The following JPH1 variants were observed in gnomAD, a reference collection of about 807,000 sequenced individuals.
The protein encoded by JPH1 is junctophilin 1.
Under a neutral mutation model 53.6 loss-of-function variants are expected in JPH1, and 12 were observed. The ratio of observed to expected loss-of-function variants is 0.22; its 90% CI spans 0.14 to 0.36. JPH1 has a LOEUF of 0.36. JPH1 is among the 10% of genes least tolerant of loss of function. JPH1 has a pLI of 1.00. For missense variants in JPH1, 808 were observed against 905.5 expected (o/e 0.89, Z 1.38); for synonymous variants, 375 against 363.8 (o/e 1.03, Z -0.35).
intron 2 of JPH1, among the ~76,000 whole-genome samples, chr8:74,285,897 T>A (rs552146606): frequency 6.6e-6 from 1 of 152,362 alleles, no homozygotes; most frequent in South Asian, 2.1e-4. Flanking sequence ...CTTCACTGCC[T>A]TCAGGGAAAG....
chr8:74,238,888 C>T (rs1805616521), intron 4 of JPH1, among the ~76,000 whole-genome samples: 1 of 152,156 alleles, frequency 6.6e-6, no homozygotes, highest in Non-Finnish European at 1.5e-5. Flanking sequence ...AACTTCCTGG[C>T]CTTAAGCGAT....
intron 3 of JPH1, among the ~76,000 whole-genome samples, chr8:74,248,843 GA>G (rs1269676839): frequency 2.6e-5 from 4 of 152,222 alleles, no homozygotes; most frequent in Non-Finnish European, 5.9e-5. Flanking sequence ...AAGTTGATGA[GA>G]TGCAGCGGTT....
intron 2 of JPH1, among the ~76,000 whole-genome samples, chr8:74,299,210 T>C (rs908194897): frequency 1.4e-4 from 21 of 152,214 alleles, no homozygotes; most frequent in African/African-American, 4.8e-4. Context: ...AGAGCAACTC[T>C]TCCTGGCACC....
chr8:74,311,880 A>G (rs1379479770), intron 2 of JPH1, among the ~76,000 whole-genome samples: 2 of 151,962 alleles, frequency 1.3e-5, no homozygotes, highest in South Asian at 2.1e-4. Context: ...ATAGTATTCC[A>G]TGGTGTATAT....
intron 2 of JPH1, among the ~76,000 whole-genome samples, chr8:74,308,963 T>A (rs1240006223): frequency 1.3e-5 from 2 of 152,250 alleles, no homozygotes; most frequent in African/African-American, 4.8e-5. Context: ...AATGGTTTTT[T>A]AAAATCCTAC....
Position 74,270,695 on chromosome 8 carries a change from C to T in JPH1, c.1140-11192G>A, listed in dbSNP as rs558446046. Among the ~76,000 whole-genome samples the T allele has an allele frequency of 4.2e-4, 64 of 152,274 alleles. 2 individuals carry two copies. Among genetic ancestry groups the T allele is most frequent in the Non-Finnish European group, 8.7e-4 (59 of 68,016 alleles). ...ATTCAAGCCAACTAAGTACAAGAAT[C>T]ATGTTAAACCTTGGCTCAAATAACA... On this transcript the variant is annotated intron_variant, in intron 2 of 5. Coordinates refer to ENST00000342232, the MANE Select transcript of JPH1 (RefSeq NM_020647.4).
At chr8:74,290,517 G>C (rs1320024902) in intron 2 of JPH1, among the ~76,000 whole-genome samples, 1 of 152,190 alleles carries the variant, frequency 6.6e-6, no homozygotes, top group African/African-American at 2.4e-5. Context: ...CATGCTCACC[G>C]ATAGGAAGAA....
chr8:74,303,858 C>T (rs556498258), intron 2 of JPH1, among the ~76,000 whole-genome samples: 1 of 152,320 alleles, frequency 6.6e-6, no homozygotes, highest in South Asian at 2.1e-4. Flanking sequence ...TTCTGCCTAA[C>T]ACCTATCAAT....
At chr8:74,307,057 GT>G (rs1310529547) in intron 2 of JPH1, among the ~76,000 whole-genome samples, 2 of 152,198 alleles carry the variant, frequency 1.3e-5, no homozygotes, top group Non-Finnish European at 2.9e-5. Flanking sequence ...GAAATGGGCT[GT>G]TTTGATACAT....
chr8:74,241,757 G>C (rs776418246), intron 4 of JPH1, among the ~76,000 whole-genome samples: 50 of 152,090 alleles, frequency 3.3e-4, no homozygotes, highest in Non-Finnish European at 6.0e-4. Flanking sequence ...CAATTTGATG[G>C]GGACGCTTTA....
At chr8:74,306,771 A>C (rs1457373897) in intron 2 of JPH1, among the ~76,000 whole-genome samples, 3 of 151,874 alleles carry the variant, frequency 2.0e-5, no homozygotes, top group Non-Finnish European at 4.4e-5. Context: ...TAATTTTTGT[A>C]ATTTTAGTAG....
chr8:74,250,810 GCAGACT>G (rs1252493643), intron 3 of JPH1, among the ~76,000 whole-genome samples: 2 of 152,232 alleles, frequency 1.3e-5, no homozygotes, highest in Non-Finnish European at 2.9e-5. Context: ...ATCCCTTGGG[GCAGACT>G]CACATTACCA....
Position 74,320,812 on chromosome 8 carries a change from A to G in JPH1, c.379+97T>C, listed in dbSNP as rs1479213727. The G allele has an allele frequency of 1.5e-6, 2 of 1,344,936 alleles. No homozygotes were observed. The highest frequency in any genetic ancestry group is 3.0e-5 in the East Asian group (1 of 33,084). 83.3% of individuals were successfully genotyped at this position (1,344,936 alleles called of 1,614,324 possible). ...CCCAGGTGTTTTGGCGGGTTTCCGG[A>G]CACGTGCGCCCGGCGTCCTCCCCGC... On this transcript the variant is annotated intron_variant, in intron 1 of 5. Coordinates refer to ENST00000342232, the MANE Select transcript of JPH1 (RefSeq NM_020647.4). This position sits in a 1 kb window ranked among gnomAD's most constrained non-coding sequence, Gnocchi z 4.4.
chr8:74,311,060 G>T (rs1193265361), intron 2 of JPH1, among the ~76,000 whole-genome samples: 2 of 152,100 alleles, frequency 1.3e-5, no homozygotes, highest in Non-Finnish European at 2.9e-5. Flanking sequence ...TGAGTAGCTG[G>T]GACTACAGGC....
At position 74,321,171 on chromosome 8, in the gene JPH1, C is replaced by T. The variant is rs781011898; in HGVS notation, c.117G>A (p.Ser39=). 6.9e-5 allele frequency: 111 copies of T among 1,613,266 alleles called. No homozygotes were observed. Among genetic ancestry groups the T allele is most frequent in the Non-Finnish European group, 8.7e-5 (103 of 1,179,814 alleles). The part of the protein sequence containing the change: ...CTGPKGQGEY[S]GSWSHGFEVV... ...CCTCGAAGCCGTGCGACCAGGAGCC[C>T]GAGTACTCGCCCTGGCCCTTGGGCC... The change falls in exon 1 of 6, where the codon TCG becomes TCA. Residue 39 remains serine (S), a synonymous_variant. Transcript: ENST00000342232. This position sits in a 1 kb window ranked among gnomAD's most constrained non-coding sequence, Gnocchi z 4.3.
chr8:74,237,287 A>C lies in JPH1; in HGVS notation c.1922T>G (p.Met641Arg), dbSNP rs1251977468. 1.2e-6 allele frequency: 2 copies of C among 1,613,418 alleles called. No homozygotes were observed. Among genetic ancestry groups the C allele is most frequent in the Admixed American group, 3.3e-5 (2 of 59,972 alleles). Reference protein sequence around the residue: ...KEANSGPNSIMIVLVMLLNIG... With the variant: ...KEANSGPNSIRIVLVMLLNIG... ...ATTCAACAGCATGACAAGGACAATC[A>C]TGATTGAATTAGGGCCCTGAAAATG... Residue 641 changes from methionine (M) to arginine (R), a missense_variant, in exon 5 of 6, where the codon ATG becomes AGG. By Grantham distance (91) the Met-to-Arg change is moderately conservative. This residue lies in a region of JPH1 where 756 missense variants were observed against 811.9 expected (regional missense o/e 0.93). Transcript: ENST00000342232.
chr8:74,304,776 T>G (rs1426854158), intron 2 of JPH1, among the ~76,000 whole-genome samples: 2 of 152,220 alleles, frequency 1.3e-5, no homozygotes, highest in African/African-American at 4.8e-5. Flanking sequence ...TAAAATTGTT[T>G]GTTAATTTCT....
At chr8:74,316,059 CT>C (rs1338511875) in intron 1 of JPH1, among the ~76,000 whole-genome samples, 1 of 152,124 alleles carries the variant, frequency 6.6e-6, no homozygotes, top group East Asian at 1.9e-4. Flanking sequence ...TAAAAAATGA[CT>C]TTTAGGTCTA....
chr8:74,262,017 A>G lies in JPH1; in HGVS notation c.1140-2514T>C, dbSNP rs189103317. On this transcript the variant is annotated intron_variant, in intron 2 of 5. Transcript: ENST00000342232. ...AAGCACAGCATCAGTGAAGCCTGCT[A>G]GTACTTAACCCTTTACTTTTTTACT... Among the ~76,000 whole-genome samples the G allele has an allele frequency of 2.6e-5, 4 of 152,344 alleles. No homozygotes were observed. The East Asian group carries it at 7.7e-4, about 29-fold the overall frequency.
Sources: allele counts gnomAD v4.1 joint callset (sites outside exome capture counted in the v4.1 genomes callset), GRCh38; gene constraint gnomAD v4.1.1; regional missense constraint gnomAD v4.1.1; non-coding constraint Gnocchi (gnomAD v3.1); transcripts MANE v1.5; gene names NCBI Gene and HGNC (gene_info 2026-07-23, HGNC 2026-07-21).